Variants in CCDC33 observed in about 807,000 individuals in gnomAD.
The protein encoded by CCDC33 is coiled-coil domain-containing protein 33.
CCDC33 carries 94 observed loss-of-function variants against 91.9 expected under a neutral mutation model. The ratio of observed to expected loss-of-function variants is 1.02; its 90% confidence interval spans 0.87 to 1.21. CCDC33 has a LOEUF of 1.21. Among genes scored for constraint, CCDC33 ranks in the 50% most tolerant of loss-of-function variants. The pLI, the probability that CCDC33 is intolerant of heterozygous loss-of-function variation, is 0.00. For synonymous variants in CCDC33, 396 were observed against 374.5 expected (o/e 1.06, Z -0.66); for missense variants, 940 against 935.5 (o/e 1.00, Z -0.06).
intron 10 of CCDC33, among the ~76,000 whole-genome samples, chr15:74,287,732 T>A (rs28393628): frequency 0.017 from 2,651 of 151,496 alleles, 82 homozygotes; most frequent in African/African-American, 0.06. Flanking sequence ...GAGGTTGCAG[T>A]GAGCCGAGAT....
rs1033721903 is a variant in CCDC33 at position 74,222,760 on chromosome 15, C to A, written c.675+3899C>A. The stretch of plus-strand genomic sequence containing the variant: ...CTGTTGTGAACGGCTTTCCTAGCGT[C>A]CCCTCGGCCACCCCTACCCCCATCC... On this transcript the variant is annotated intron_variant, in intron 2 of 2. Transcript: ENST00000635913. 2.0e-5 allele frequency among the ~76,000 whole-genome samples: 3 copies of A among 151,250 alleles called. No individual in the cohort carries two copies. The East Asian group carries it at 6.0e-4, about 30-fold the overall frequency.
intron 3 of CCDC33, 23 bp from the exon 4 acceptor site, chr15:74,266,655 G>A (rs2142398081): frequency 1.3e-6 from 2 of 1,516,616 alleles, no homozygotes; most frequent in Non-Finnish European, 1.8e-6. Context: ...AAATAAACCT[G>A]GGCTCATTTT....
chr15:74,330,917 C>T, intron 13 of CCDC33, 64 bp from the exon 14 acceptor site: 1 of 1,546,182 alleles, frequency 6.5e-7, no homozygotes, highest in South Asian at 1.3e-5. Context: ...GAGGTGGACC[C>T]TCAGGGCCAA....
chr15:74,285,646 C>T (rs1286889956), intron 10 of CCDC33, among the ~76,000 whole-genome samples: 2 of 151,792 alleles, frequency 1.3e-5, no homozygotes, highest in Non-Finnish European at 2.9e-5. Context: ...GACTAGATAA[C>T]AAAGCCTGCA....
intron 2 of CCDC33, among the ~76,000 whole-genome samples, chr15:74,247,131 C>T (rs2075557088): frequency 6.7e-6 from 1 of 150,112 alleles, no homozygotes; most frequent in Admixed American, 6.7e-5. Context: ...GGCAACAGAG[C>T]GAGACTCCCA....
intron 7 of CCDC33, among the ~76,000 whole-genome samples, chr15:74,277,581 C>T (rs941500848): frequency 3.3e-5 from 5 of 152,244 alleles, no homozygotes; most frequent in African/African-American, 9.6e-5. Context: ...TGCCTCTCCC[C>T]GCCCCCATCC....
Position 74,224,306 on chromosome 15 carries a change from T to C in CCDC33, c.675+5445T>C, listed in dbSNP as rs117728576. 4.9e-4 allele frequency among the ~76,000 whole-genome samples: 75 copies of C among 152,272 alleles called. 1 individual carries two copies. The East Asian group carries it at 0.014, about 29-fold the overall frequency. ...GCAGCCTGCTGGCTCCCCTTCCTCC[T>C]CTGGGTGCGTTGAAACACTCTCCAT... On this transcript the variant is annotated intron_variant, in intron 2 of 2. Coordinates refer to the CCDC33 transcript ENST00000635913.
rs1472865332 is a variant in CCDC33, at chr15:74,331,076, G to T, written c.1641G>T (p.Met547Ile). The T allele has an allele frequency of 6.2e-7, 1 of 1,613,574 alleles. No individual in the cohort carries two copies. The highest frequency in any genetic ancestry group is 8.5e-7 in the Non-Finnish European group (1 of 1,179,736). Reference sequence around the variant, plus strand: ...AGTACCAGGGCAAGCTGCAGAAGATGAAGGCGCTGGAGGAGACTGTGCGGC... The same window carrying T: ...AGTACCAGGGCAAGCTGCAGAAGATTAAGGCGCTGGAGGAGACTGTGCGGC... ...LKQYQGKLQKMKALEETVRHQ... is the reference protein window; with the variant it reads ...LKQYQGKLQKIKALEETVRHQ... The change falls in exon 14 of 19, where the codon ATG (methionine) becomes ATT (isoleucine). Residue 547 changes from methionine (M) to isoleucine (I), a missense_variant. By Grantham distance (10) the Met-to-Ile change is conservative. Coordinates refer to ENST00000398814, the MANE Select transcript of CCDC33 (RefSeq NM_025055.5).
chr15:74,320,431 C>T (rs1264530295), intron 11 of CCDC33, among the ~76,000 whole-genome samples: 1 of 152,042 alleles, frequency 6.6e-6, no homozygotes, highest in Non-Finnish European at 1.5e-5. Context: ...GACTTGCACT[C>T]CTAGGGTGTG....
At chr15:74,230,225 G>T (rs969416216) in intron 2 of CCDC33, among the ~76,000 whole-genome samples, 2 of 152,136 alleles carry the variant, frequency 1.3e-5, no homozygotes, top group Admixed American at 6.5e-5. Flanking sequence ...GAGGGCCTTG[G>T]TCAGATTTGG....
chr15:74,298,538 T>G (rs143594207), intron 11 of CCDC33, among the ~76,000 whole-genome samples: 2 of 152,062 alleles, frequency 1.3e-5, no homozygotes, highest in Admixed American at 6.6e-5. Flanking sequence ...TTTGGTTTTT[T>G]GTTTGTTTGT....
At chr15:74,287,650 C>T (rs1031748166) in intron 10 of CCDC33, among the ~76,000 whole-genome samples, 3 of 152,144 alleles carry the variant, frequency 2.0e-5, no homozygotes, top group African/African-American at 4.8e-5. Context: ...GGAGAAACCC[C>T]GTCTTTACTA....
chr15:74,214,494 G>A (rs1264986016), upstream of CCDC33, among the ~76,000 whole-genome samples: 1 of 152,202 alleles, frequency 6.6e-6, no homozygotes, highest in Non-Finnish European at 1.5e-5. Context: ...GAGGCAGCCA[G>A]GAGTAGAGAG....
chr15:74,283,970 T>A (rs1201149699), intron 10 of CCDC33, among the ~76,000 whole-genome samples: 1 of 152,186 alleles, frequency 6.6e-6, no homozygotes. Flanking sequence ...CACACAGATG[T>A]TTTCACACCT....
intron 5 of CCDC33, among the ~76,000 whole-genome samples, chr15:74,270,299 A>T (rs567387921): frequency 6.6e-6 from 1 of 152,144 alleles, no homozygotes; most frequent in African/African-American, 2.4e-5. Context: ...GCCAGCCACA[A>T]TGGGTTGGTG....
chr15:74,252,733 G>A (rs1239054735), intron 2 of CCDC33, among the ~76,000 whole-genome samples: 2 of 152,194 alleles, frequency 1.3e-5, no homozygotes, highest in African/African-American at 2.4e-5. Flanking sequence ...AAAAAGACAA[G>A]GGTGGGGAGC....
rs779863045 is a variant in CCDC33, at chr15:74,209,484, C to T, written n.186C>T. The stretch of plus-strand genomic sequence containing the variant: ...CTGCTGCCCAGCTGGGCTGAGGGCC[C>T]TGACCACAGCTAAGGGGAGTCATCA... On this transcript the variant is annotated non_coding_transcript_exon_variant, in exon 2 of 4. Transcript: ENST00000558645. The T allele has an allele frequency of 2.0e-6, 3 of 1,516,948 alleles. No individual in the cohort carries two copies. In the South Asian group the frequency reaches 3.6e-5, roughly 18 times the overall value. The allele number at this position is 1,516,948 out of a possible 1,614,324, so 94.0% of individuals were successfully genotyped here.
intron 16 of CCDC33, chr15:74,333,280 T>C: frequency 6.2e-7 from 1 of 1,601,506 alleles, no homozygotes; most frequent in Non-Finnish European, 8.5e-7. Flanking sequence ...AAGAGACGCA[T>C]GGCCCAGGCC....
chr15:74,258,566 C>G (rs904691165), intron 2 of CCDC33, among the ~76,000 whole-genome samples: 2 of 152,082 alleles, frequency 1.3e-5, no homozygotes, highest in Non-Finnish European at 2.9e-5. Flanking sequence ...AGAGTGGGTA[C>G]AGTATGGTAC....
Sources: gnomAD v4.1 joint callset for allele counts (sites outside exome capture counted in the v4.1 genomes callset) on GRCh38, gnomAD v4.1.1 for gene constraint, MANE v1.5 for transcripts, NCBI Gene and HGNC (gene_info 2026-07-23, HGNC 2026-07-21) for gene names.